SHANK1: variants seen among roughly 807,000 people sequenced by gnomAD.
SHANK1 encodes the protein SH3 and multiple ankyrin repeat domains 1.
SHANK1 carries 35 observed loss-of-function variants against 165.6 expected under a neutral mutation model. That is an observed-to-expected ratio of 0.21 (90% CI 0.16 to 0.28). The LOEUF (loss-of-function observed/expected upper bound fraction) is 0.28, where lower values mean the gene tolerates loss of function less well. Ranked by LOEUF, SHANK1 falls within the 10% of genes least tolerant of loss-of-function variation. The pLI is 1.00. For missense variants in SHANK1, 2,681 were observed against 3,036.4 expected, an observed-to-expected ratio of 0.88 and a Z score of 2.75; for synonymous variants, 1,428 against 1,384.8, an observed-to-expected ratio of 1.03 and a Z score of -0.69.
At position 50,669,104 on chromosome 19, in the gene SHANK1, C is replaced by G. The variant is rs1167101262; in HGVS notation, c.2856G>C (p.Gly952=). ...SGRLTPSPRG[G]PFNPGSGGPL... ...GGCCACCAGAGCCAGGGTTGAAGGG[C>G]CCTCCCCGAGGGGAGGGGGTGAGGC... The change falls in exon 23 of 24, where the codon GGG becomes GGC. Residue 952 remains glycine, a synonymous_variant. Transcript: ENST00000293441. The G allele has an allele frequency of 6.8e-7, 1 of 1,462,564 alleles. No homozygotes were observed. The highest frequency in any genetic ancestry group is 1.3e-5 in the South Asian group (1 of 74,556). 90.6% of individuals were successfully genotyped at this position (1,462,564 alleles called of 1,614,324 possible). A position where few individuals can be genotyped will look rare whatever the true frequency, so the allele number is the denominator to read the frequency against.
At position 50,662,967 on chromosome 19, in the gene SHANK1, C is replaced by T. The variant is rs954624363; in HGVS notation, c.5769-285G>A. 2.3e-5 allele frequency: 11 copies of T among 477,902 alleles called. No homozygotes were observed. The highest frequency in any genetic ancestry group is 1.1e-4 in the Admixed American group (3 of 26,912). The allele number at this position is 477,902 out of a possible 1,614,324, so 29.6% of individuals were successfully genotyped here. A position where few individuals can be genotyped will look rare whatever the true frequency, so the allele number is the denominator to read the frequency against. On this transcript the variant is annotated intron_variant, in intron 23 of 23. Coordinates refer to ENST00000293441, the MANE Select transcript of SHANK1 (RefSeq NM_016148.5). The surrounding 1 kb of genome is among the most constrained non-coding windows in gnomAD (Gnocchi z 7.7). ...AAGTGATAATAATAATAATCGTCAC[C>T]GCTTACTGATGCTCACGTGTGCCAG...
rs1985127242 is a variant in SHANK1, at chr19:50,659,934, AC to A, written c.*2030del. On this transcript the variant is annotated 3_prime_UTR_variant, in exon 24 of 24. Coordinates refer to ENST00000293441, the MANE Select transcript of SHANK1 (RefSeq NM_016148.5). The stretch of plus-strand genomic sequence containing the variant: ...GCGCGGCCTCTGCCCCTCTCTCACC[AC>A]CCCTCCCCCCTCCCACGACCCTCCC... Among the ~76,000 whole-genome samples, 1 of 131,300 alleles carries A rather than the reference AC, an allele frequency of 7.6e-6. No homozygotes were observed. Among genetic ancestry groups the A allele is most frequent in the Non-Finnish European group, 1.6e-5 (1 of 61,198 alleles). 86.1% of individuals were successfully genotyped at this position (131,300 alleles called of 152,430 possible). A position where few individuals can be genotyped will look rare whatever the true frequency, so the allele number is the denominator to read the frequency against.
At chr19:50,694,140 GT>G in intron 15 of SHANK1, among the ~76,000 whole-genome samples, 1 of 152,014 alleles carries the variant, frequency 6.6e-6, no homozygotes, top group East Asian at 1.9e-4. Context: ...GATGGACACA[GT>G]TGGGGGGTGG....
intron 12 of SHANK1, among the ~76,000 whole-genome samples, chr19:50,701,537 TC>T (rs1173590892): frequency 1.3e-5 from 2 of 151,938 alleles, no homozygotes; most frequent in Non-Finnish European, 2.9e-5. Flanking sequence ...GAAACATTGG[TC>T]TAAGTACTTT....
chr19:50,663,924 T>C (rs1016945354), intron 23 of SHANK1, among the ~76,000 whole-genome samples: 2 of 113,590 alleles, frequency 1.8e-5, no homozygotes, highest in Non-Finnish European at 1.8e-5. Context: ...TTTCTTTTCT[T>C]TCTCTCTCTC....
At chr19:50,672,198 C>T (rs971189796) in intron 21 of SHANK1, 84 bp from the exon 22 acceptor site, 22 of 1,090,322 alleles carry the variant, frequency 2.0e-5, no homozygotes, top group Non-Finnish European at 2.4e-5. Flanking sequence ...CTTCACTATA[C>T]GGCTGCCCCC....
rs891712739 is a variant in SHANK1, at chr19:50,667,841, G to A, written c.4119C>T (p.Ala1373=). 1.2e-5 allele frequency: 15 copies of A among 1,296,120 alleles called. No individual in the cohort carries two copies. Among genetic ancestry groups the A allele is most frequent in the South Asian group, 2.5e-5 (1 of 40,628 alleles). 80.3% of individuals were successfully genotyped at this position (1,296,120 alleles called of 1,614,324 possible). Residue 1373 remains alanine (A), a synonymous_variant, in exon 23 of 24, where the codon GCC becomes GCT. Transcript: ENST00000293441. This position sits in a 1 kb window ranked among gnomAD's most constrained non-coding sequence, Gnocchi z 5.7. Reference sequence around the variant, plus strand: ...ATGGGGGCCTGGGAGGCGGCTGGGGGGCCCCGCCGCCCTCCGAGGACTCCT... The same window carrying A: ...ATGGGGGCCTGGGAGGCGGCTGGGGAGCCCCGCCGCCCTCCGAGGACTCCT... ...ALKESSEGGG[A]PQPPPRPPSP...
Position 50,666,729 on chromosome 19 carries a change from C to T in SHANK1, c.5231G>A (p.Gly1744Asp). 1 of 1,569,366 alleles carries T rather than the reference C, an allele frequency of 6.4e-7. No individual in the cohort carries two copies. ...GQAFGGSSTP[G>D]PPYPPQLMTP... ...CATGAGCTGAGGAGGGTATGGCGGG[C>T]CGGGAGTACTGCTGCCCCCAAAGGC... Residue 1744 changes from glycine to aspartate, a missense_variant, in exon 23 of 24, where the codon GGC becomes GAC. Physicochemically the swap from Gly to Asp is moderately conservative, Grantham distance 94 (BLOSUM62 -1). Coordinates refer to ENST00000293441, the MANE Select transcript of SHANK1 (RefSeq NM_016148.5).
chr19:50,702,455 C>T lies in SHANK1; in HGVS notation c.1747+12G>A. The stretch of plus-strand genomic sequence containing the variant: ...CCCAGCCCAGCCCAGGCCCTGCTTC[C>T]ACCCTGGGTACCTTTGATCTTCTCG... On this transcript the variant is annotated intron_variant, in intron 12 of 23. Coordinates refer to ENST00000293441, the MANE Select transcript of SHANK1 (RefSeq NM_016148.5). The surrounding 1 kb of genome is among the most constrained non-coding windows in gnomAD (Gnocchi z 5.3). 1 of 1,603,138 alleles carries T rather than the reference C, an allele frequency of 6.2e-7. No homozygotes were observed.
intron 3 of SHANK1, 31 bp from the exon 4 acceptor site, chr19:50,715,761 C>A: frequency 6.3e-7 from 1 of 1,598,570 alleles, no homozygotes. Context: ...GTGAGAGAGA[C>A]ACAGAGACTT....
In SHANK1 at chr19:50,686,494, C is replaced by A. The variant is rs909485864; in HGVS notation, c.2459-139G>T. ...AGGAAAGGGCAGCCCTGCCTGGGTC[C>A]GGGTGGACGGGCAGTCCCGCTTGGA... is the stretch of plus-strand genomic sequence containing the variant. On this transcript the variant is annotated intron_variant, in intron 20 of 23. Coordinates refer to ENST00000293441, the MANE Select transcript of SHANK1 (RefSeq NM_016148.5). The surrounding 1 kb of genome is among the most constrained non-coding windows in gnomAD (Gnocchi z 5.7). 2 of 737,506 alleles carry A rather than the reference C, an allele frequency of 2.7e-6. No homozygotes were observed. The highest frequency in any genetic ancestry group is 2.6e-5 in the East Asian group (1 of 38,938). 45.7% of individuals were successfully genotyped at this position (737,506 alleles called of 1,614,324 possible). A position where few individuals can be genotyped will look rare whatever the true frequency, so the allele number is the denominator to read the frequency against.
At position 50,667,750 on chromosome 19, in the gene SHANK1, C is replaced by T; in HGVS notation, c.4210G>A (p.Val1404Met). ...HHSPHAHHEP[V>M]LRLWGASPPD... Reference sequence around the variant, plus strand: ...GGGGAGGCCCCCCAGAGACGCAGCACTGGCTCGTGGTGGGCGTGGGGCGAG... The same window carrying T: ...GGGGAGGCCCCCCAGAGACGCAGCATTGGCTCGTGGTGGGCGTGGGGCGAG... Residue 1404 changes from valine to methionine, a missense_variant, in exon 23 of 24, where the codon GTG (valine) becomes ATG (methionine). Around this residue, in one of 10 missense-constraint regions of SHANK1, gnomAD observed 1,713 missense variants for 1,630.2 expected, o/e 1.05. Coordinates refer to ENST00000293441, the MANE Select transcript of SHANK1 (RefSeq NM_016148.5). The surrounding 1 kb of genome is among the most constrained non-coding windows in gnomAD (Gnocchi z 5.7). 1 of 1,171,176 alleles carries T rather than the reference C, an allele frequency of 8.5e-7. No individual in the cohort carries two copies. Among genetic ancestry groups the T allele is most frequent in the Non-Finnish European group, 1.1e-6 (1 of 950,686 alleles). 72.5% of individuals were successfully genotyped at this position (1,171,176 alleles called of 1,614,324 possible).
At chr19:50,706,606 G>C (rs951066668) in intron 8 of SHANK1, among the ~76,000 whole-genome samples, 1 of 151,400 alleles carries the variant, frequency 6.6e-6, no homozygotes, top group Non-Finnish European at 1.5e-5. Context: ...ACCTTTGCAC[G>C]GCTGCTCCCT....
chr19:50,705,171 T>C (rs1053181901), intron 8 of SHANK1, among the ~76,000 whole-genome samples: 1 of 149,136 alleles, frequency 6.7e-6, no homozygotes, highest in Non-Finnish European at 1.5e-5. Flanking sequence ...TGAAACCCCG[T>C]CTCTATCAGA....
intron 21 of SHANK1, among the ~76,000 whole-genome samples, chr19:50,676,285 G>A (rs1382287405): frequency 2.6e-5 from 4 of 152,104 alleles, no homozygotes; most frequent in Non-Finnish European, 4.4e-5. Flanking sequence ...CTTGGGTAAC[G>A]GAACAAGACC....
intron 8 of SHANK1, 157 bp downstream of exon 8, chr19:50,711,214 A>ATGGC (rs1260933110): frequency 3.3e-6 from 2 of 604,408 alleles, no homozygotes; most frequent in Non-Finnish European, 5.9e-6. Context: ...GGATGGATGG[A>ATGGC]TGGAGGAATG....
chr19:50,665,047 A>G (rs973841413), intron 23 of SHANK1, among the ~76,000 whole-genome samples: 2 of 152,158 alleles, frequency 1.3e-5, no homozygotes, highest in Non-Finnish European at 2.9e-5. Context: ...GTGAACCACC[A>G]CGCCCAGCCT....
In SHANK1 at chr19:50,718,692, C is replaced by A. The variant is rs2089097025; in HGVS notation, c.-44+714G>T. On this transcript the variant is annotated intron_variant, in intron 1 of 23. Coordinates refer to ENST00000293441, the MANE Select transcript of SHANK1 (RefSeq NM_016148.5). The surrounding 1 kb of genome is among the most constrained non-coding windows in gnomAD (Gnocchi z 5.1). ...CTGTGGGGGGACAGGGGGCGGCTGGCGTGGCCGAGAGCGGGGCCGGGGAGA... is the reference window on the plus strand; with the variant it reads ...CTGTGGGGGGACAGGGGGCGGCTGGAGTGGCCGAGAGCGGGGCCGGGGAGA... Among the ~76,000 whole-genome samples, 1 of 133,782 alleles carries A rather than the reference C, an allele frequency of 7.5e-6. No homozygotes were observed. Among genetic ancestry groups the A allele is most frequent in the African/African-American group, 2.8e-5 (1 of 36,224 alleles). The allele number at this position is 133,782 out of a possible 152,430, so 87.8% of individuals were successfully genotyped here.
chr19:50,667,546 C>T lies in SHANK1; in HGVS notation c.4414G>A (p.Gly1472Arg), dbSNP rs763408035. ...LGTEPPAPHPGVSKPWRSAAP... is the reference protein window; with the variant it reads ...LGTEPPAPHPRVSKPWRSAAP... ...GCGGACCTCCAGGGCTTGCTTACTC[C>T]GGGGTGCGGGGCCGGGGGCTCCGTC... The change falls in exon 23 of 24, where the codon GGA becomes AGA. Residue 1472 changes from glycine to arginine, a missense_variant. Physicochemically the swap from Gly to Arg is moderately radical, Grantham distance 125. Around this residue, in one of 10 missense-constraint regions of SHANK1, gnomAD observed 1,713 missense variants for 1,630.2 expected, o/e 1.05. Transcript: ENST00000293441. The surrounding 1 kb of genome is among the most constrained non-coding windows in gnomAD (Gnocchi z 5.7). 7.5e-4 allele frequency: 1,104 copies of T among 1,475,648 alleles called. 1 individual carries two copies. Among genetic ancestry groups the T allele is most frequent in the Non-Finnish European group, 9.2e-4 (1,040 of 1,127,858 alleles). 91.4% of individuals were successfully genotyped at this position (1,475,648 alleles called of 1,614,324 possible).
Sources: allele counts gnomAD v4.1 joint callset (sites outside exome capture counted in the v4.1 genomes callset), GRCh38; gene constraint gnomAD v4.1.1; regional missense constraint gnomAD v4.1.1; non-coding constraint Gnocchi (gnomAD v3.1); transcripts MANE v1.5; gene names NCBI Gene and HGNC (gene_info 2026-07-23, HGNC 2026-07-21).